The following POFUT3 variants were observed in gnomAD, a reference collection of about 807,000 sequenced individuals.
POFUT3 encodes the protein protein O-fucosyltransferase 3, also known as GDP-fucose protein O-fucosyltransferase 3.
chr8:33,368,281 C>T, the POFUT3 span, among the ~76,000 whole-genome samples: 2 of 152,122 alleles, frequency 1.3e-5, no homozygotes, highest in Admixed American at 6.5e-5. Context: ...TCCAATGACT[C>T]GAGAGGACAA....
the POFUT3 span, among the ~76,000 whole-genome samples, chr8:33,342,359 C>A: frequency 5.3e-5 from 8 of 150,796 alleles, no homozygotes; most frequent in East Asian, 2.0e-4. Flanking sequence ...CCTGTCCCCC[C>A]ACAAAAAAAG....
chr8:33,383,624 C>T, the POFUT3 span, among the ~76,000 whole-genome samples: 1 of 152,032 alleles, frequency 6.6e-6, no homozygotes, highest in African/African-American at 2.4e-5. Flanking sequence ...CATGTTGAAA[C>T]CCCGTCTCTA....
the POFUT3 span, among the ~76,000 whole-genome samples, chr8:33,413,570 C>T: frequency 3.9e-5 from 6 of 152,100 alleles, no homozygotes; most frequent in Non-Finnish European, 7.4e-5. Flanking sequence ...GCAGCCCAAA[C>T]GGACAAAGAC....
At chr8:33,464,586 G>A in the POFUT3 span, among the ~76,000 whole-genome samples, 1 of 152,068 alleles carries the variant, frequency 6.6e-6, no homozygotes, top group Non-Finnish European at 1.5e-5. Context: ...AAGGTGGAAG[G>A]ACCCACCTAG....
At chr8:33,368,104 T>C in the POFUT3 span, among the ~76,000 whole-genome samples, 101 of 152,294 alleles carry the variant, frequency 6.6e-4, 5 homozygotes, top group South Asian at 0.02. Context: ...TTAGAGACAG[T>C]AATTTAACTG....
the POFUT3 span, among the ~76,000 whole-genome samples, chr8:33,318,513 TATG>T: frequency 2.4e-5 from 3 of 126,158 alleles, no homozygotes; most frequent in Non-Finnish European, 4.7e-5. Context: ...TATAATATAT[TATG>T]ATTATAATAA....
the POFUT3 span, among the ~76,000 whole-genome samples, chr8:33,412,039 T>C: frequency 6.6e-6 from 1 of 152,240 alleles, no homozygotes; most frequent in Admixed American, 6.5e-5. Flanking sequence ...CTCATGCACA[T>C]CACACAAGCA....
chr8:33,327,631 A>G, the POFUT3 span, among the ~76,000 whole-genome samples: 1 of 152,188 alleles, frequency 6.6e-6, no homozygotes, highest in Non-Finnish European at 1.5e-5. Flanking sequence ...TTCACACACA[A>G]GTTCATACAC....
chr8:33,442,375 G>C, the POFUT3 span, among the ~76,000 whole-genome samples: 87,404 of 149,516 alleles, frequency 0.58, 25,648 homozygotes, highest in African/African-American at 0.63. Flanking sequence ...GCAAGCTCCA[G>C]CTCCCGGGTT....
the POFUT3 span, among the ~76,000 whole-genome samples, chr8:33,414,985 G>GGC: frequency 6.6e-6 from 1 of 150,686 alleles, no homozygotes; most frequent in South Asian, 2.1e-4. Flanking sequence ...AAAAAGGCCA[G>GGC]GCGCGGTGGC....
At chr8:33,318,436 G>A in the POFUT3 span, among the ~76,000 whole-genome samples, 1 of 141,278 alleles carries the variant, frequency 7.1e-6, no homozygotes. Flanking sequence ...ATGTATATAT[G>A]TATTTATATG....
At chr8:33,426,313 G>A in the POFUT3 span, among the ~76,000 whole-genome samples, 1 of 152,294 alleles carries the variant, frequency 6.6e-6, no homozygotes, top group East Asian at 1.9e-4. Flanking sequence ...ATGTAAAGTA[G>A]TGAAAAATGA....
At chr8:33,346,593 T>C in the POFUT3 span, among the ~76,000 whole-genome samples, 1 of 152,234 alleles carries the variant, frequency 6.6e-6, no homozygotes, top group Non-Finnish European at 1.5e-5. Context: ...TGCATACATT[T>C]GGATGTTACT....
the POFUT3 span, among the ~76,000 whole-genome samples, chr8:33,466,054 T>C: frequency 2.0e-5 from 3 of 152,164 alleles, no homozygotes; most frequent in South Asian, 4.1e-4. Flanking sequence ...AATTCCCTTA[T>C]ATTTAAAGAA....
the POFUT3 span, among the ~76,000 whole-genome samples, chr8:33,317,807 C>T: frequency 1.1e-3 from 168 of 152,180 alleles, 1 homozygote; most frequent in Admixed American, 3.9e-3. Flanking sequence ...GCTGTCCCTC[C>T]GCGCCTAGAG....
At chr8:33,319,080 A>T in the POFUT3 span, among the ~76,000 whole-genome samples, 14 of 63,744 alleles carry the variant, frequency 2.2e-4, no homozygotes, top group South Asian at 1.1e-3. Context: ...TATTTATATA[A>T]TATATAAATA....
the POFUT3 span, among the ~76,000 whole-genome samples, chr8:33,465,997 C>T: frequency 9.2e-5 from 14 of 152,104 alleles, no homozygotes; most frequent in African/African-American, 3.4e-4. Flanking sequence ...CTTTTTGGGA[C>T]CTTCGCATAG....
the POFUT3 span, among the ~76,000 whole-genome samples, chr8:33,322,878 T>A: frequency 5.6e-3 from 850 of 152,268 alleles, 15 homozygotes; most frequent in African/African-American, 0.019. Flanking sequence ...ATTCCTCCTT[T>A]TTTCCTTCAG....
the POFUT3 span, among the ~76,000 whole-genome samples, chr8:33,313,170 G>A: frequency 3.3e-5 from 5 of 152,112 alleles, no homozygotes; most frequent in African/African-American, 1.2e-4. Flanking sequence ...GACCATGGAG[G>A]AAAATTAAGT....
Sources: gnomAD v4.1 joint callset for allele counts (sites outside exome capture counted in the v4.1 genomes callset) on GRCh38, gnomAD v4.1.1 for gene constraint, MANE v1.5 for transcripts, NCBI Gene and HGNC (gene_info 2026-07-23, HGNC 2026-07-21) for gene names.